KIF16B: variants seen among roughly 807,000 people sequenced by gnomAD.
KIF16B encodes kinesin family member 16B.
KIF16B carries 98 observed loss-of-function variants against 156.3 expected under a neutral mutation model. That is an observed-to-expected ratio of 0.63 (90% confidence interval 0.53 to 0.74). The LOEUF is 0.74. KIF16B is among the 30% of genes least tolerant of loss of function. The pLI, the probability that KIF16B is intolerant of heterozygous loss-of-function variation, is 0.00. For missense variants in KIF16B, 1,421 were observed against 1,606.5 expected (o/e 0.88, Z 1.97); for synonymous variants, 564 against 583.7 (o/e 0.97, Z 0.49).
rs147476375 is a variant in KIF16B at position 16,301,078 on chromosome 20, T to C, written c.3795+11257A>G. 3.9e-3 allele frequency among the ~76,000 whole-genome samples: 598 copies of C among 152,318 alleles called. 7 individuals carry two copies. The highest frequency in any genetic ancestry group is 0.014 in the African/African-American group (564 of 41,560). On this transcript the variant is annotated intron_variant, in intron 25 of 25. Coordinates refer to ENST00000354981, the MANE Select transcript of KIF16B (RefSeq NM_024704.5). ...TTTCCAAAATGCCATATAGTTAGAA[T>C]CATACACCATATAATCTTTTCAAAT... is the stretch of plus-strand genomic sequence containing the variant.
chr20:16,524,535 A>C (rs1238105418), intron 3 of KIF16B, among the ~76,000 whole-genome samples: 1 of 152,144 alleles, frequency 6.6e-6, no homozygotes, highest in Admixed American at 6.6e-5. Context: ...AACAGATGAT[A>C]GAGAGGATGT....
intron 1 of KIF16B, among the ~76,000 whole-genome samples, chr20:16,553,057 T>C (rs1286048256): frequency 6.6e-6 from 1 of 152,182 alleles, no homozygotes; most frequent in Non-Finnish European, 1.5e-5. Context: ...TGAGCCACCG[T>C]ACCCGGCCTC....
chr20:16,411,645 C>A (rs2146314823), intron 15 of KIF16B, among the ~76,000 whole-genome samples: 1 of 152,108 alleles, frequency 6.6e-6, no homozygotes, highest in Admixed American at 6.6e-5. Flanking sequence ...TCATGGGGAA[C>A]ATACTATTGT....
intron 17 of KIF16B, among the ~76,000 whole-genome samples, chr20:16,396,062 C>T (rs2065492407): frequency 6.6e-6 from 1 of 152,162 alleles, no homozygotes; most frequent in South Asian, 2.1e-4. Flanking sequence ...AGCCCAATAA[C>T]TTGTGATAGT....
intron 24 of KIF16B, among the ~76,000 whole-genome samples, chr20:16,331,567 T>TA: frequency 6.6e-6 from 1 of 152,344 alleles, no homozygotes; most frequent in South Asian, 2.1e-4. Flanking sequence ...ATGTGTCATT[T>TA]AAAAATATAC....
chr20:16,422,459 G>C (rs994769092), intron 15 of KIF16B, among the ~76,000 whole-genome samples: 8 of 152,042 alleles, frequency 5.3e-5, no homozygotes, highest in Non-Finnish European at 1.2e-4. Context: ...AGCATCAAGT[G>C]GCCAGGGCTA....
chr20:16,279,326 C>A (rs898234286), intron 25 of KIF16B, among the ~76,000 whole-genome samples: 2 of 152,170 alleles, frequency 1.3e-5, no homozygotes, highest in Non-Finnish European at 2.9e-5. Context: ...ACACCTCTTC[C>A]AGATTGTGTA....
chr20:16,453,652 G>A (rs2067142381), intron 12 of KIF16B, among the ~76,000 whole-genome samples: 2 of 152,234 alleles, frequency 1.3e-5, no homozygotes, highest in Middle Eastern at 3.4e-3. Flanking sequence ...GAGATTTATA[G>A]GAACATATTT....
chr20:16,391,253 C>T (rs1332177088), intron 17 of KIF16B, among the ~76,000 whole-genome samples: 1 of 152,096 alleles, frequency 6.6e-6, no homozygotes, highest in Non-Finnish European at 1.5e-5. Flanking sequence ...ATTAAAGGTC[C>T]AGATGACACA....
chr20:16,427,105 T>G lies in KIF16B; in HGVS notation c.1611A>C (p.Gln537His). 6.3e-7 allele frequency: 1 copy of G among 1,597,138 alleles called. No individual in the cohort carries two copies. Among genetic ancestry groups the G allele is most frequent in the South Asian group, 1.2e-5 (1 of 86,670 alleles). ...VQIVEATHLN[Q>H]GAVILLGRTN... Reference sequence around the variant, plus strand: ...CCTGTGAAAATTAAAACCAGATACCTTGATTTAGATGTGTGGCCTCCACGA... The same window carrying G: ...CCTGTGAAAATTAAAACCAGATACCGTGATTTAGATGTGTGGCCTCCACGA... Residue 537 changes from glutamine to histidine, a missense_variant and splice_region_variant, in exon 15 of 26, where the codon CAA (glutamine) becomes CAC (histidine). Transcript: ENST00000354981.
chr20:16,465,767 T>TAAAA (rs11484109), intron 12 of KIF16B, among the ~76,000 whole-genome samples: 1 of 147,236 alleles, frequency 6.8e-6, no homozygotes. Flanking sequence ...TCCTCTCACT[T>TAAAA]AAAAAAAAAA....
At position 16,361,965 on chromosome 20, in the gene KIF16B, T is replaced by C. The variant is rs537849593; in HGVS notation, c.3499-5513A>G. 6.6e-5 allele frequency among the ~76,000 whole-genome samples: 10 copies of C among 152,356 alleles called. No individual in the cohort carries two copies. The South Asian group carries it at 8.3e-4, about 13-fold the overall frequency. ...CAAAGATCATTGTATTAAGTGGTCA[T>C]CATCTTTGAACAATGTATCAATTAA... On this transcript the variant is annotated intron_variant, in intron 22 of 25. Coordinates refer to ENST00000354981, the MANE Select transcript of KIF16B (RefSeq NM_024704.5).
intron 12 of KIF16B, among the ~76,000 whole-genome samples, chr20:16,452,048 A>C (rs780525580): frequency 1.3e-5 from 2 of 152,150 alleles, no homozygotes; most frequent in African/African-American, 2.4e-5. Flanking sequence ...GGGGGGCACC[A>C]GGTAAGAATG....
At chr20:16,406,479 A>G in intron 15 of KIF16B, 23 bp from the exon 16 acceptor site, 2 of 1,606,226 alleles carry the variant, frequency 1.2e-6, no homozygotes. Flanking sequence ...AAAAACAGTA[A>G]TGAATTTACA....
intron 1 of KIF16B, among the ~76,000 whole-genome samples, chr20:16,552,733 C>G (rs1289184847): frequency 1.3e-5 from 2 of 152,194 alleles, no homozygotes; most frequent in African/African-American, 4.8e-5. Context: ...CTTTTTCACA[C>G]TCACATTTCT....
chr20:16,535,928 G>A (rs4440028), intron 1 of KIF16B, among the ~76,000 whole-genome samples: 52,152 of 151,982 alleles, frequency 0.34, 8,995 homozygotes, highest in Non-Finnish European at 0.34. Flanking sequence ...AAACAGAATG[G>A]AGATTTCTTT....
At chr20:16,456,951 T>G (rs2067228068) in intron 12 of KIF16B, among the ~76,000 whole-genome samples, 1 of 152,162 alleles carries the variant, frequency 6.6e-6, no homozygotes, top group South Asian at 2.1e-4. Flanking sequence ...TGGAAACAGA[T>G]CTATGATGCC....
intron 19 of KIF16B, among the ~76,000 whole-genome samples, chr20:16,377,746 G>A (rs942627709): frequency 3.3e-5 from 5 of 152,164 alleles, no homozygotes; most frequent in Admixed American, 2.6e-4. Context: ...CACCCAGGTG[G>A]CTGTTGGCCT....
intron 25 of KIF16B, among the ~76,000 whole-genome samples, chr20:16,310,011 T>A (rs150211273): frequency 6.6e-6 from 1 of 152,256 alleles, no homozygotes; most frequent in Non-Finnish European, 1.5e-5. Flanking sequence ...GATTTTCATA[T>A]GAAAATAGTC....
Sources: allele counts gnomAD v4.1 joint callset (sites outside exome capture counted in the v4.1 genomes callset), GRCh38; gene constraint gnomAD v4.1.1; transcripts MANE v1.5; gene names NCBI Gene and HGNC (gene_info 2026-07-23, HGNC 2026-07-21).